RTN4IP1: variants seen among roughly 807,000 people sequenced by gnomAD.
RTN4IP1 encodes reticulon 4 interacting protein 1, also known as NAD(P)H oxidoreductase RTN4IP1, mitochondrial.
In RTN4IP1, 32 loss-of-function variants were observed where a neutral mutation model predicts 46.6. That is an observed-to-expected ratio of 0.69 (90% CI 0.52 to 0.92). The LOEUF (loss-of-function observed/expected upper bound fraction) is 0.92, where lower values mean the gene tolerates loss of function less well. Ranked by LOEUF, RTN4IP1 falls within the 40% of genes least tolerant of loss-of-function variation. RTN4IP1 has a pLI of 0.00. For synonymous variants in RTN4IP1, 167 were observed against 161.8 expected (o/e 1.03, Z -0.24); for missense variants, 424 against 485.8 (o/e 0.87, Z 1.20).
chr6:106,627,165 C>T (rs948713881), intron 1 of RTN4IP1, among the ~76,000 whole-genome samples: 5 of 149,362 alleles, frequency 3.3e-5, no homozygotes, highest in East Asian at 1.9e-4. Flanking sequence ...GGATAACTTG[C>T]GAATAATATT....
upstream of RTN4IP1, chr6:106,629,604 A>T: frequency 6.5e-7 from 1 of 1,531,140 alleles, no homozygotes; most frequent in South Asian, 1.2e-5. Flanking sequence ...GGCTGCGCCC[A>T]TGTAACATCA....
rs138679791 is a variant in RTN4IP1 at position 106,592,285 on chromosome 6, C to A, written c.685G>T (p.Asp229Tyr). The A allele has an allele frequency of 6.0e-4, 963 of 1,613,442 alleles. 1 individual carries two copies. Among genetic ancestry groups the A allele is most frequent in the Non-Finnish European group, 7.8e-4 (917 of 1,179,888 alleles). The change falls in exon 6 of 9, where the codon GAT becomes TAT. Residue 229 changes from aspartate (D) to tyrosine (Y), a missense_variant. Physicochemically the swap from Asp to Tyr is radical, Grantham distance 160. Transcript: ENST00000369063. Reference protein sequence around the residue: ...TFAIQVMKAWDAHVTAVCSQD... With the variant: ...TFAIQVMKAWYAHVTAVCSQD... ...GAGCAAACTGCTGTCACATGAGCAT[C>A]CCATGCTTTCATTACCTGCCCCCCA...
rs143248835 is a variant in RTN4IP1, at chr6:106,590,839, G to A, written c.806+1325C>T. Among the ~76,000 whole-genome samples, 144 of 151,326 alleles carry A rather than the reference G, an allele frequency of 9.5e-4. 2 individuals carry two copies. Among genetic ancestry groups the A allele is most frequent in the African/African-American group, 3.4e-3 (139 of 41,290 alleles). On this transcript the variant is annotated intron_variant, in intron 6 of 8. Coordinates refer to ENST00000369063, the MANE Select transcript of RTN4IP1 (RefSeq NM_032730.5). ...AAAGAGGCTTAGGCCCTGACACACA[G>A]ACAAGACGGTAGCTGACAAAATCTC...
Position 106,626,001 on chromosome 6 carries a change from C to A in RTN4IP1, c.274+2747G>T, listed in dbSNP as rs1776628052. On this transcript the variant is annotated intron_variant, in intron 1 of 8. Transcript: ENST00000369063. The stretch of plus-strand genomic sequence containing the variant: ...GGAGAAATAACAGCAAGTCTGTATA[C>A]TAATGGAGATGATCCAGTAGAAAAG... 3.3e-5 allele frequency among the ~76,000 whole-genome samples: 5 copies of A among 152,138 alleles called. No homozygotes were observed. The South Asian group carries it at 8.3e-4, about 25-fold the overall frequency.
At position 106,611,841 on chromosome 6, in the gene RTN4IP1, A is replaced by AT. The variant is rs543364854; in HGVS notation, c.620+7360dup. On this transcript the variant is annotated intron_variant, in intron 4 of 8. Transcript: ENST00000369063. The stretch of plus-strand genomic sequence containing the variant: ...ATTAAATGTTTAGAAAGTTAAACAC[A>AT]TTTTCCCAAGAAAACAAAGCTATTT... Among the ~76,000 whole-genome samples, 26 of 152,326 alleles carry AT rather than the reference A, an allele frequency of 1.7e-4. No homozygotes were observed. The East Asian group carries it at 4.2e-3, about 25-fold the overall frequency.
At chr6:106,583,253 G>T in intron 8 of RTN4IP1, 75 bp downstream of exon 8, 1 of 1,170,590 alleles carries the variant, frequency 8.5e-7, no homozygotes, top group Non-Finnish European at 1.3e-6. Context: ...CTACTAACGA[G>T]GCTCAGTGGG....
intron 8 of RTN4IP1, among the ~76,000 whole-genome samples, chr6:106,577,045 ATC>A (rs1408318951): frequency 2.0e-5 from 3 of 152,246 alleles, no homozygotes; most frequent in Non-Finnish European, 4.4e-5. Flanking sequence ...CTTGGCTGGC[ATC>A]TAAGATTTTG....
At chr6:106,628,618 G>T in intron 1 of RTN4IP1, 130 bp downstream of exon 1, 2 of 857,418 alleles carry the variant, frequency 2.3e-6, no homozygotes, top group Non-Finnish European at 3.5e-6. Flanking sequence ...GGAAATATTT[G>T]CAGAGGTATT....
At chr6:106,616,647 T>G (rs930777865) in intron 4 of RTN4IP1, among the ~76,000 whole-genome samples, 1 of 152,220 alleles carries the variant, frequency 6.6e-6, no homozygotes, top group African/African-American at 2.4e-5. Context: ...TCACAATGAA[T>G]AGTCAAATGG....
At chr6:106,614,724 A>T (rs533660388) in intron 4 of RTN4IP1, among the ~76,000 whole-genome samples, 13 of 152,352 alleles carry the variant, frequency 8.5e-5, no homozygotes, top group African/African-American at 3.1e-4. Context: ...AAATTAAAAT[A>T]AGAACTGAAA....
At chr6:106,596,875 G>C (rs538901705) in intron 5 of RTN4IP1, among the ~76,000 whole-genome samples, 1 of 152,084 alleles carries the variant, frequency 6.6e-6, no homozygotes, top group African/African-American at 2.4e-5. Context: ...GATTCTTGGC[G>C]CACTCTTCCT....
intron 4 of RTN4IP1, among the ~76,000 whole-genome samples, chr6:106,606,050 T>C (rs142955851): frequency 5.3e-5 from 8 of 152,074 alleles, no homozygotes; most frequent in African/African-American, 1.7e-4. Flanking sequence ...ATCTTACATA[T>C]AGAAAAAACA....
intron 5 of RTN4IP1, among the ~76,000 whole-genome samples, chr6:106,601,294 C>A (rs767028707): frequency 1.1e-4 from 16 of 152,032 alleles, no homozygotes; most frequent in Admixed American, 6.5e-5. Context: ...TATAAGAGTT[C>A]TTTATATATT....
At chr6:106,592,079 T>C (rs1582868944) in intron 6 of RTN4IP1, 85 bp downstream of exon 6, 8 of 1,368,224 alleles carry the variant, frequency 5.8e-6, no homozygotes, top group East Asian at 4.7e-5. Flanking sequence ...TCCAACATGA[T>C]TGTAAAGCCA....
rs1278751108 is a variant in RTN4IP1, at chr6:106,629,417, G to C, written c.-396C>G. ...GCTCGCGATCCAACGCCAGAGAATC[G>C]AACGCTTGCCGACTGCCGCCGCGAC... On this transcript the variant is annotated 5_prime_UTR_variant, in exon 1 of 9. Transcript: ENST00000369063. The C allele has an allele frequency of 1.6e-5, 9 of 577,886 alleles. No homozygotes were observed. The Middle Eastern group carries it at 1.4e-3, about 87-fold the overall frequency. The allele number at this position is 577,886 out of a possible 1,614,324, so 35.8% of individuals were successfully genotyped here.
intron 5 of RTN4IP1, among the ~76,000 whole-genome samples, chr6:106,597,942 G>A (rs1163489944): frequency 3.3e-5 from 5 of 151,876 alleles, no homozygotes; most frequent in Non-Finnish European, 7.4e-5. Flanking sequence ...GAGAATATGC[G>A]GTGTTTGGTT....
At chr6:106,572,204 GTCTC>G (rs1775084693) in intron 8 of RTN4IP1, 101 bp from the exon 9 acceptor site, 6 of 957,070 alleles carry the variant, frequency 6.3e-6, no homozygotes, top group Non-Finnish European at 8.2e-6. Flanking sequence ...TCAAGCCACA[GTCTC>G]TCTCAAGTGT....
At chr6:106,590,566 T>C (rs1775630655) in intron 6 of RTN4IP1, among the ~76,000 whole-genome samples, 1 of 151,298 alleles carries the variant, frequency 6.6e-6, no homozygotes, top group Admixed American at 6.6e-5. Context: ...AATACAAAAA[T>C]TAGCCAGGCG....
At chr6:106,624,314 A>G (rs1776574715) in intron 1 of RTN4IP1, among the ~76,000 whole-genome samples, 1 of 152,054 alleles carries the variant, frequency 6.6e-6, no homozygotes, top group African/African-American at 2.4e-5. Flanking sequence ...TCGGCCTCCC[A>G]AAGTGCTGGG....
Sources: gnomAD v4.1 joint callset for allele counts (sites outside exome capture counted in the v4.1 genomes callset) on GRCh38, gnomAD v4.1.1 for gene constraint, MANE v1.5 for transcripts, NCBI Gene and HGNC (gene_info 2026-07-23, HGNC 2026-07-21) for gene names.